The following LTBP1 variants were observed in gnomAD, a reference collection of about 807,000 sequenced individuals.
The protein encoded by LTBP1 is latent transforming growth factor beta binding protein 1, also known as latent-transforming growth factor beta-binding protein 1.
In LTBP1, 129 loss-of-function variants were observed where a neutral mutation model predicts 207.6. The observed-to-expected ratio is 0.62, with a 90% CI of 0.54 to 0.72. LTBP1 has a LOEUF of 0.72. Ranked by LOEUF, LTBP1 falls within the 30% of genes least tolerant of loss-of-function variation. LTBP1 has a pLI of 0.00. For missense variants in LTBP1, 2,281 were observed against 2,217.2 expected (o/e 1.03, Z -0.58); for synonymous variants, 963 against 833.7 (o/e 1.16, Z -2.67).
At chr2:33,396,881 G>A (rs890423405) in intron 32 of LTBP1, among the ~76,000 whole-genome samples, 10 of 152,106 alleles carry the variant, frequency 6.6e-5, no homozygotes, top group South Asian at 2.1e-4. Context: ...TTGCTTTCTC[G>A]TTTTATGTGA....
intron 8 of LTBP1, 62 bp downstream of exon 8, chr2:33,217,716 T>C: frequency 8.9e-7 from 1 of 1,126,420 alleles, no homozygotes; most frequent in East Asian, 2.4e-5. Context: ...TTATGATTAC[T>C]CCTTTAATGA....
At chr2:33,208,786 A>C (rs752907738) in intron 7 of LTBP1, among the ~76,000 whole-genome samples, 3 of 151,854 alleles carry the variant, frequency 2.0e-5, no homozygotes, top group Non-Finnish European at 4.4e-5. Flanking sequence ...CCAGAGAGGT[A>C]GATCAGTTTG....
intron 20 of LTBP1, among the ~76,000 whole-genome samples, chr2:33,300,144 G>A (rs776778882): frequency 3.9e-5 from 6 of 152,124 alleles, no homozygotes; most frequent in Non-Finnish European, 8.8e-5. Context: ...TATTGCATCA[G>A]GTTCTGCCTT....
intron 3 of LTBP1, among the ~76,000 whole-genome samples, chr2:33,044,899 T>C (rs961619415): frequency 6.6e-6 from 1 of 152,208 alleles, no homozygotes; most frequent in Non-Finnish European, 1.5e-5. Flanking sequence ...GTTGGCCGCA[T>C]GAATGTCTTC....
At chr2:33,115,597 C>T (rs2080697727) in intron 4 of LTBP1, among the ~76,000 whole-genome samples, 1 of 152,134 alleles carries the variant, frequency 6.6e-6, no homozygotes, top group African/African-American at 2.4e-5. Flanking sequence ...GAATTGAGCT[C>T]ATAAGCTCTC....
chr2:33,186,802 A>G (rs775249584), intron 5 of LTBP1, 54 bp from the exon 6 acceptor site: 1 of 1,372,214 alleles, frequency 7.3e-7, no homozygotes. Context: ...GTTGATCATT[A>G]CTTAGCCTCT....
chr2:33,305,446 A>G (rs1268776009), intron 22 of LTBP1, among the ~76,000 whole-genome samples: 1 of 152,320 alleles, frequency 6.6e-6, no homozygotes, highest in Middle Eastern at 3.4e-3. Flanking sequence ...TTAAATAAAG[A>G]GGCAAGTAGA....
At chr2:32,969,344 T>TGTA (rs148788678) in intron 2 of LTBP1, among the ~76,000 whole-genome samples, 7 of 151,176 alleles carry the variant, frequency 4.6e-5, no homozygotes, top group South Asian at 2.1e-4. Flanking sequence ...AATTGTGTGT[T>TGTA]GTGGTTTGAT....
At chr2:33,025,228 A>G (rs912964753) in intron 3 of LTBP1, among the ~76,000 whole-genome samples, 1 of 151,254 alleles carries the variant, frequency 6.6e-6, no homozygotes, top group Non-Finnish European at 1.5e-5. Flanking sequence ...CCTCACTCAG[A>G]GGGGGTAGAA....
At chr2:33,300,018 G>A (rs1403734770) in intron 20 of LTBP1, among the ~76,000 whole-genome samples, 3 of 152,156 alleles carry the variant, frequency 2.0e-5, no homozygotes, top group Non-Finnish European at 2.9e-5. Flanking sequence ...AGAATTATCT[G>A]TTTCCTTCCA....
At chr2:33,034,955 C>T (rs933071441) in intron 3 of LTBP1, among the ~76,000 whole-genome samples, 13 of 152,162 alleles carry the variant, frequency 8.5e-5, no homozygotes, top group Admixed American at 7.9e-4. Context: ...TTTTATACCG[C>T]AGAATGCCAA....
chr2:33,354,722 A>C (rs1173271876), intron 26 of LTBP1, among the ~76,000 whole-genome samples: 1 of 135,302 alleles, frequency 7.4e-6, no homozygotes, highest in African/African-American at 2.9e-5. Context: ...ACACACACAC[A>C]CACACACCAT....
chr2:33,345,676 G>T (rs963972824), intron 25 of LTBP1, among the ~76,000 whole-genome samples: 1 of 152,274 alleles, frequency 6.6e-6, no homozygotes, highest in South Asian at 2.1e-4. Flanking sequence ...GGAAAACTGA[G>T]GTAATTATCC....
intron 2 of LTBP1, among the ~76,000 whole-genome samples, chr2:32,991,447 C>T (rs1463560752): frequency 6.6e-6 from 1 of 152,158 alleles, no homozygotes; most frequent in African/African-American, 2.4e-5. Flanking sequence ...ATAAAGCTAG[C>T]TTTGGACAGG....
At chr2:33,166,993 G>A (rs990927208) in intron 5 of LTBP1, among the ~76,000 whole-genome samples, 1 of 152,096 alleles carries the variant, frequency 6.6e-6, no homozygotes, top group African/African-American at 2.4e-5. Flanking sequence ...GATGCCCATG[G>A]TGTGCCGAAT....
At chr2:33,208,634 C>G (rs2090058351) in intron 7 of LTBP1, among the ~76,000 whole-genome samples, 1 of 152,196 alleles carries the variant, frequency 6.6e-6, no homozygotes, top group Non-Finnish European at 1.5e-5. Flanking sequence ...CACCGACCTT[C>G]ATAGGATTGC....
chr2:33,111,557 A>G (rs1397031195), intron 4 of LTBP1, among the ~76,000 whole-genome samples: 1 of 152,176 alleles, frequency 6.6e-6, no homozygotes, highest in Non-Finnish European at 1.5e-5. Flanking sequence ...TAGTATGAAG[A>G]GTTGAGATAC....
At chr2:33,055,020 G>A (rs112156633) in intron 3 of LTBP1, among the ~76,000 whole-genome samples, 9 of 152,272 alleles carry the variant, frequency 5.9e-5, no homozygotes, top group African/African-American at 2.2e-4. Context: ...TGATTGGCCT[G>A]CTCCATTTTC....
Position 33,187,080 on chromosome 2 carries a change from G to A in LTBP1, c.1426G>A (p.Val476Met). The A allele has an allele frequency of 6.2e-7, 1 of 1,613,180 alleles. No individual in the cohort carries two copies. Among genetic ancestry groups the A allele is most frequent in the South Asian group, 1.1e-5 (1 of 91,020 alleles). The change falls in exon 6 of 34, where the codon GTG becomes ATG. Residue 476 changes from valine (V) to methionine (M), a missense_variant and splice_region_variant. This residue lies in a region of LTBP1 where 1,671 missense variants were observed against 1,634.8 expected (regional missense o/e 1.02). Transcript: ENST00000404816. ...CGTGACTAGCCAGCAAGGAGTCAAA[G>A]GTAAGCTTTTTTCATTCCGCCCATT... ...LTVTSQQGVK[V>M]KFPPNIVNIH...
Sources: gnomAD v4.1 joint callset for allele counts (sites outside exome capture counted in the v4.1 genomes callset) on GRCh38, gnomAD v4.1.1 for gene constraint, gnomAD v4.1.1 regional missense constraint, MANE v1.5 for transcripts, NCBI Gene and HGNC (gene_info 2026-07-23, HGNC 2026-07-21) for gene names.